The following TEP1 variants were observed in gnomAD, a reference collection of about 807,000 sequenced individuals.
TEP1 encodes the protein telomerase associated protein 1, also known as telomerase protein component 1.
TEP1 carries 241 observed loss-of-function variants against 306.3 expected under a neutral mutation model. That is an observed-to-expected ratio of 0.79 (90% CI 0.71 to 0.88). The LOEUF (loss-of-function observed/expected upper bound fraction) is 0.88, where lower values mean the gene tolerates loss of function less well. TEP1 is among the 40% of genes least tolerant of loss of function. TEP1 has a pLI of 0.00. For synonymous variants in TEP1, 1,289 were observed against 1,305.5 expected, an observed-to-expected ratio of 0.99 and a Z score of 0.27; for missense variants, 3,051 against 3,276.1, an observed-to-expected ratio of 0.93 and a Z score of 1.68.
chr14:20,372,871 C>G lies in TEP1; in HGVS notation c.6952-14G>C. 7 of 1,614,160 alleles carry G rather than the reference C, an allele frequency of 4.3e-6. No individual in the cohort carries two copies. The highest frequency in any genetic ancestry group is 5.9e-6 in the Non-Finnish European group (7 of 1,180,038). ...GTGGCCTGGAGCCTGGTGTACACAA[C>G]AAGTTCAATTCAGTGCTTCTGATGA... On this transcript the variant is annotated splice_polypyrimidine_tract_variant and intron_variant, in intron 48 of 54. Transcript: ENST00000262715.
intron 11 of TEP1, 59 bp downstream of exon 11, chr14:20,395,800 T>C: frequency 1.3e-6 from 2 of 1,565,084 alleles, no homozygotes; most frequent in Non-Finnish European, 1.8e-6. Context: ...TTGGTGCTGC[T>C]GCTTCATTTA....
Position 20,411,013 on chromosome 14 carries a change from G to T in TEP1, c.-25+2392C>A, listed in dbSNP as rs2139223116. Among the ~76,000 whole-genome samples the T allele has an allele frequency of 2.0e-5, 3 of 151,374 alleles. No homozygotes were observed. In the East Asian group the frequency reaches 5.9e-4, roughly 30 times the overall value. Reference sequence around the variant, plus strand: ...ATTTTTGTATTTGTAGTAGAGACAGGGTTTCACCATGTTCATCAGGATGGT... The same window carrying T: ...ATTTTTGTATTTGTAGTAGAGACAGTGTTTCACCATGTTCATCAGGATGGT... On this transcript the variant is annotated intron_variant, in intron 1 of 54. Coordinates refer to ENST00000262715, the MANE Select transcript of TEP1 (RefSeq NM_007110.5).
In TEP1 at chr14:20,404,709, C is replaced by T. The variant is rs142976796; in HGVS notation, c.934G>A (p.Ala312Thr). ...RNVANNILAI[A>T]AFLPACRPHL... The stretch of plus-strand genomic sequence containing the variant: ...GGGCGACACGCCGGCAAGAAAGCAG[C>T]AATGGCCAAGATGTTATTGGCCACA... Residue 312 changes from alanine (A) to threonine (T), a missense_variant, in exon 5 of 55, where the codon GCT becomes ACT. Physicochemically the swap from Ala to Thr is moderately conservative, Grantham distance 58 (BLOSUM62 0). Transcript: ENST00000262715. The T allele has an allele frequency of 1.2e-6, 2 of 1,614,142 alleles. No individual in the cohort carries two copies. The highest frequency in any genetic ancestry group is 1.7e-6 in the Non-Finnish European group (2 of 1,179,998).
chr14:20,402,447 G>A (rs756520177), intron 7 of TEP1, among the ~76,000 whole-genome samples: 3 of 152,196 alleles, frequency 2.0e-5, no homozygotes, highest in Admixed American at 2.0e-4. Context: ...TTCTTATAAC[G>A]CTAATATATA....
intron 44 of TEP1, 45 bp downstream of exon 44, chr14:20,374,384 A>AG: frequency 6.9e-7 from 1 of 1,448,490 alleles, no homozygotes; most frequent in African/African-American, 1.4e-5. Flanking sequence ...AAGCCCCCTT[A>AG]GCCCTTCCAG....
At chr14:20,390,211 G>A (rs1446859015) in intron 15 of TEP1, among the ~76,000 whole-genome samples, 1 of 151,984 alleles carries the variant, frequency 6.6e-6, no homozygotes, top group Non-Finnish European at 1.5e-5. Flanking sequence ...CCTGGGCAAC[G>A]GAGTGAGACC....
chr14:20,382,471 C>A, intron 28 of TEP1, 115 bp from the exon 29 acceptor site: 1 of 1,537,158 alleles, frequency 6.5e-7, no homozygotes. Flanking sequence ...AAGTAAAGAA[C>A]AACAGTAGGA....
rs1420238110 is a variant in TEP1, at chr14:20,380,380, A to G, written c.4858T>C (p.Tyr1620His). The G allele has an allele frequency of 2.5e-6, 4 of 1,614,206 alleles. No homozygotes were observed. The highest frequency in any genetic ancestry group is 3.4e-6 in the Non-Finnish European group (4 of 1,180,042). The change falls in exon 34 of 55, where the codon TAC becomes CAC. Residue 1620 changes from tyrosine (Y) to histidine (H), a missense_variant. Around this residue, in one of 3 missense-constraint regions of TEP1, gnomAD observed 1,540 missense variants for 1,705.9 expected, o/e 0.90. Coordinates refer to ENST00000262715, the MANE Select transcript of TEP1 (RefSeq NM_007110.5). ...GCCTGCTGGGGCAGGAGCCGGGGGT[A>G]CTGGCTGAGGATTGAAGCCTGCTGC... ...LRQQASILSQ[Y>H]PRLLPQQAAN...
intron 5 of TEP1, 142 bp from the exon 6 acceptor site, chr14:20,404,026 T>C: frequency 1.7e-6 from 2 of 1,167,410 alleles, no homozygotes; most frequent in South Asian, 1.5e-5. Context: ...ACAATTTCTG[T>C]GGTACTGATT....
intron 1 of TEP1, among the ~76,000 whole-genome samples, chr14:20,409,470 T>C (rs1039331072): frequency 1.3e-5 from 2 of 152,210 alleles, no homozygotes; most frequent in Admixed American, 6.5e-5. Flanking sequence ...CTGAGCTTCA[T>C]ATTCACTTAT....
intron 2 of TEP1, among the ~76,000 whole-genome samples, 192 bp from the exon 3 acceptor site, chr14:20,406,592 C>T (rs989477358): frequency 1.3e-5 from 2 of 152,234 alleles, no homozygotes; most frequent in African/African-American, 4.8e-5. Context: ...CCACCTTGCT[C>T]TACTCAACCT....
rs1196408335 is a variant in TEP1, at chr14:20,373,586, G to T, written c.6605-3C>A. Reference sequence around the variant, plus strand: ...AAGCTCTGACCCAGGCTGTCCAGCTGATAAGACACAGAGACTGAGTCAGAA... The same window carrying T: ...AAGCTCTGACCCAGGCTGTCCAGCTTATAAGACACAGAGACTGAGTCAGAA... On this transcript the variant is annotated splice_polypyrimidine_tract_variant and splice_region_variant and intron_variant, in intron 45 of 54. Transcript: ENST00000262715. 1.1e-5 allele frequency: 18 copies of T among 1,614,224 alleles called. No homozygotes were observed. The highest frequency in any genetic ancestry group is 1.4e-5 in the Non-Finnish European group (17 of 1,180,036).
At chr14:20,395,838 T>A in intron 11 of TEP1, 21 bp downstream of exon 11, 1 of 1,606,658 alleles carries the variant, frequency 6.2e-7, no homozygotes, top group South Asian at 1.1e-5. Context: ...CAAAGAGGAG[T>A]TGGAAGAAAG....
At position 20,369,507 on chromosome 14, in the gene TEP1, TCTC is replaced by T; in HGVS notation, c.7490_7492del (p.Gly2497del). On this transcript the variant is annotated inframe_deletion, in exon 53 of 55. Coordinates refer to ENST00000262715, the MANE Select transcript of TEP1 (RefSeq NM_007110.5). ...CTGCCACATGTTACCTGTGGTCCAT[TCTC>T]CTTCTGGGCTGCATTTGGCCAGGTT... 1 of 1,614,140 alleles carries T rather than the reference TCTC, an allele frequency of 6.2e-7. No individual in the cohort carries two copies. The highest frequency in any genetic ancestry group is 8.5e-7 in the Non-Finnish European group (1 of 1,180,026).
At position 20,365,729 on chromosome 14, in the gene TEP1, T is replaced by G. The variant is rs1482750518; in HGVS notation, c.*2708A>C. The G allele has an allele frequency of 6.6e-6, 1 of 152,220 alleles. No homozygotes were observed. The highest frequency in any genetic ancestry group is 1.5e-5 in the Non-Finnish European group (1 of 68,036). The allele number at this position is 152,220 out of a possible 1,614,324, so 9.4% of individuals were successfully genotyped here. A position where few individuals can be genotyped will look rare whatever the true frequency, so the allele number is the denominator to read the frequency against. ...TTACTTTTTAAATTCCTACACAGTT[T>G]CTAAATGGTTACTCTCAACTTCCGT... On this transcript the variant is annotated 3_prime_UTR_variant, in exon 55 of 55. Transcript: ENST00000262715.
At chr14:20,380,858 T>G (rs1322798860) in intron 33 of TEP1, 73 bp downstream of exon 33, 2 of 1,308,552 alleles carry the variant, frequency 1.5e-6, no homozygotes, top group Non-Finnish European at 2.2e-6. Context: ...GCCCCAACCC[T>G]GAGCAGGGCC....
At chr14:20,409,952 G>A (rs1270310063) in intron 1 of TEP1, among the ~76,000 whole-genome samples, 5 of 142,942 alleles carry the variant, frequency 3.5e-5, no homozygotes, top group Admixed American at 7.2e-5. Flanking sequence ...AACCAGGGAG[G>A]CGGAGCTTGC....
chr14:20,405,427 A>C, intron 4 of TEP1, 24 bp downstream of exon 4: 1 of 1,612,116 alleles, frequency 6.2e-7, no homozygotes, highest in Non-Finnish European at 8.5e-7. Flanking sequence ...TCACACCCCC[A>C]TCCCCTCCTT....
At chr14:20,374,890 G>C (rs1428556388) in intron 43 of TEP1, among the ~76,000 whole-genome samples, 1 of 152,050 alleles carries the variant, frequency 6.6e-6, no homozygotes. Context: ...AGGAGTTCAA[G>C]ACCAGCCTGG....
Sources: gnomAD v4.1 joint callset for allele counts (sites outside exome capture counted in the v4.1 genomes callset) on GRCh38, gnomAD v4.1.1 for gene constraint, gnomAD v4.1.1 regional missense constraint, MANE v1.5 for transcripts, NCBI Gene and HGNC (gene_info 2026-07-23, HGNC 2026-07-21) for gene names.